Variants in CILP observed in about 807,000 individuals in gnomAD.
CILP encodes cartilage intermediate layer protein, also known as cartilage intermediate layer protein 1.
In CILP, 75 loss-of-function variants were observed where a neutral mutation model predicts 82.5. The ratio of observed to expected loss-of-function variants is 0.91; its 90% CI spans 0.75 to 1.10. The LOEUF (loss-of-function observed/expected upper bound fraction) is 1.10. CILP is among the 50% of genes least tolerant of loss of function. The pLI, the probability that CILP is intolerant of heterozygous loss-of-function variation, is 0.00. For missense variants in CILP, 1,479 were observed against 1,530.8 expected, an observed-to-expected ratio of 0.97 and a Z score of 0.56; for synonymous variants, 530 against 580.3, an observed-to-expected ratio of 0.91 and a Z score of 1.25.
intron 5 of CILP, 96 bp downstream of exon 5, chr15:65,205,191 A>T: frequency 8.6e-7 from 1 of 1,168,028 alleles, no homozygotes; most frequent in Non-Finnish European, 1.2e-6. Context: ...AAGTAAATGA[A>T]GGAATCCATC....
At chr15:65,207,269 C>T (rs1293248774) in intron 3 of CILP, among the ~76,000 whole-genome samples, 3 of 152,194 alleles carry the variant, frequency 2.0e-5, no homozygotes, top group Non-Finnish European at 4.4e-5. Context: ...AAGGCTCCTC[C>T]TCAATGCCAC....
chr15:65,197,141 G>T lies in CILP; in HGVS notation c.3145C>A (p.His1049Asn). Residue 1049 changes from histidine (H) to asparagine (N), a missense_variant, in exon 9 of 9, where the codon CAC becomes AAC. Physicochemically the swap from His to Asn is moderately conservative, Grantham distance 68. Coordinates refer to ENST00000261883, the MANE Select transcript of CILP (RefSeq NM_003613.4). ...TCGTTGTTGACTGCAAGTGGCAAGT[G>T]GTTGACCAGGTACTCATGCAGCATG... ...NPMLHEYLVN[H>N]LPLAVNNDTS... The T allele has an allele frequency of 6.2e-7, 1 of 1,614,016 alleles. No homozygotes were observed. The highest frequency in any genetic ancestry group is 8.5e-7 in the Non-Finnish European group (1 of 1,179,958).
chr15:65,200,340 T>C (rs1277043058), intron 8 of CILP, among the ~76,000 whole-genome samples: 2 of 152,184 alleles, frequency 1.3e-5, no homozygotes, highest in Non-Finnish European at 2.9e-5. Flanking sequence ...GGGCTCCATA[T>C]CTCTGCCAAT....
intron 4 of CILP, among the ~76,000 whole-genome samples, chr15:65,206,491 A>G (rs2088518513): frequency 6.6e-6 from 1 of 152,212 alleles, no homozygotes; most frequent in Admixed American, 6.5e-5. Flanking sequence ...GCCCCACTTC[A>G]GAGCCTGTGG....
Position 65,196,972 on chromosome 15 carries a change from C to T in CILP, c.3314G>A (p.Arg1105Lys). Residue 1105 changes from arginine (R) to lysine (K), a missense_variant, in exon 9 of 9, where the codon AGA (arginine) becomes AAA (lysine). Arg to Lys is a conservative substitution (Grantham distance 26, BLOSUM62 2). Transcript: ENST00000261883. The part of the protein sequence containing the change: ...CFDGTSDGSS[R>K]IMKSNVGVAL... ...TACTCCCACATTGCTCTTCATGATT[C>T]TGGAGGAGCCATCGGATGTGCCATC... is the stretch of plus-strand genomic sequence containing the variant. The T allele has an allele frequency of 6.2e-7, 1 of 1,614,102 alleles. No individual in the cohort carries two copies. The highest frequency in any genetic ancestry group is 1.1e-5 in the South Asian group (1 of 91,064).
chr15:65,197,706 A>C lies in CILP; in HGVS notation c.2580T>G (p.Arg860=). ...PQPYLNKLNY[R]RTDHEDPRVK... ...CCCGTGGATCCTCATGGTCCGTCCG[A>C]CGGTAGTTGAGCTTGTTGAGATAGG... is the stretch of plus-strand genomic sequence containing the variant. The change falls in exon 9 of 9, where the codon CGT becomes CGG. Residue 860 remains arginine, a synonymous_variant. Transcript: ENST00000261883. 6.2e-7 allele frequency: 1 copy of C among 1,613,250 alleles called. No homozygotes were observed. Among genetic ancestry groups the C allele is most frequent in the Non-Finnish European group, 8.5e-7 (1 of 1,180,028 alleles).
chr15:65,207,941 T>A (rs148173071), intron 2 of CILP, among the ~76,000 whole-genome samples, 177 bp from the exon 3 acceptor site: 90 of 152,368 alleles, frequency 5.9e-4, no homozygotes, highest in Non-Finnish European at 1.2e-3. Flanking sequence ...CCTCTGAGCC[T>A]GTTTCCCCAT....
In CILP at chr15:65,207,676, C is replaced by T. The variant is rs1249298659; in HGVS notation, c.150G>A (p.Leu50=). ...CCTGCTTCAGCCACAACTCACTCTC[C>T]AGGGTGTCGGCAGGCTTGGCAAAGA... ...PSIFAKPADT[L]ESPGEWTTWF... is the part of the protein sequence containing the mutation. Residue 50 remains leucine (L), a synonymous_variant, in exon 3 of 9, where the codon CTG becomes CTA. Transcript: ENST00000261883. The T allele has an allele frequency of 6.8e-6, 11 of 1,613,952 alleles. No individual in the cohort carries two copies. The highest frequency in any genetic ancestry group is 9.3e-6 in the Non-Finnish European group (11 of 1,179,958).
intron 5 of CILP, 87 bp from the exon 6 acceptor site, chr15:65,204,669 G>A (rs541900514): frequency 4.1e-4 from 543 of 1,338,340 alleles, no homozygotes; most frequent in Non-Finnish European, 5.0e-4. Context: ...TCTCCTCCTT[G>A]GCCTTTGCTA....
chr15:65,201,155 C>T (rs1052590069), intron 8 of CILP, among the ~76,000 whole-genome samples: 1 of 152,122 alleles, frequency 6.6e-6, no homozygotes, highest in Non-Finnish European at 1.5e-5. Flanking sequence ...GCGCACGCCA[C>T]CATGCCTGGC....
In CILP at chr15:65,197,873, C is replaced by T. The variant is rs1437587312; in HGVS notation, c.2413G>A (p.Gly805Arg). Residue 805 changes from glycine (G) to arginine (R), a missense_variant, in exon 9 of 9, where the codon GGG becomes AGG. Coordinates refer to ENST00000261883, the MANE Select transcript of CILP (RefSeq NM_003613.4). ...TCACAGAAGGCAGGCACACAGGCCC[C>T]GTTGGGGCCTGTGATGACACTGTCA... ...RFDSVITGPN[G>R]ACVPAFCDDQ... is the part of the protein sequence containing the mutation. The T allele has an allele frequency of 9.3e-6, 15 of 1,613,428 alleles. No individual in the cohort carries two copies. The highest frequency in any genetic ancestry group is 1.3e-5 in the Non-Finnish European group (15 of 1,179,858).
Position 65,196,928 on chromosome 15 carries a change from C to G in CILP, c.3358G>C (p.Val1120Leu). Residue 1120 changes from valine (V) to leucine (L), a missense_variant, in exon 9 of 9, where the codon GTA becomes CTA. Physicochemically the swap from Val to Leu is conservative, Grantham distance 32. Coordinates refer to ENST00000261883, the MANE Select transcript of CILP (RefSeq NM_003613.4). ...CTCTGGCGGCCTACTTGCCTCTCTACACAGTTGAAGGTGAGGGCTACTCCC... is the reference window on the plus strand; with the variant it reads ...CTCTGGCGGCCTACTTGCCTCTCTAGACAGTTGAAGGTGAGGGCTACTCCC... Reference protein sequence around the residue: ...NVGVALTFNCVERQVGRQSAF... With the variant: ...NVGVALTFNCLERQVGRQSAF... 6.2e-7 allele frequency: 1 copy of G among 1,613,528 alleles called. No homozygotes were observed. Among genetic ancestry groups the G allele is most frequent in the South Asian group, 1.1e-5 (1 of 90,922 alleles).
chr15:65,209,596 G>T, intron 2 of CILP, 99 bp downstream of exon 2: 2 of 1,121,068 alleles, frequency 1.8e-6, no homozygotes, highest in Non-Finnish European at 1.3e-6. Flanking sequence ...TTAAGGCCTT[G>T]CTGTGTCTTA....
At position 65,198,674 on chromosome 15, in the gene CILP, C is replaced by T. The variant is rs1387865533; in HGVS notation, c.1612G>A (p.Val538Met). Residue 538 changes from valine (V) to methionine (M), a missense_variant, in exon 9 of 9, where the codon GTG becomes ATG. Transcript: ENST00000261883. Reference sequence around the variant, plus strand: ...TGCAGCCTGTCCACAAATGTGAGCACCAGCCTCTCAGTGTCCTGGGGGACA... The same window carrying T: ...TGCAGCCTGTCCACAAATGTGAGCATCAGCCTCTCAGTGTCCTGGGGGACA... ...LHVPQDTERLVLTFVDRLQKF... is the reference protein window; with the variant it reads ...LHVPQDTERLMLTFVDRLQKF... 4.3e-6 allele frequency: 7 copies of T among 1,614,126 alleles called. No individual in the cohort carries two copies. The Admixed American group carries it at 5.0e-5, about 12-fold the overall frequency.
intron 4 of CILP, 25 bp downstream of exon 4, chr15:65,206,757 T>C: frequency 7.0e-7 from 1 of 1,428,558 alleles, no homozygotes; most frequent in Non-Finnish European, 9.3e-7. Context: ...AAGTAGCGGG[T>C]GGGGGTGGGG....
At position 65,198,254 on chromosome 15, in the gene CILP, C is replaced by T. The variant is rs148582730; in HGVS notation, c.2032G>A (p.Val678Met). 5,536 of 1,614,266 alleles carry T rather than the reference C, an allele frequency of 3.4e-3. 26 individuals carry two copies. The highest frequency in any genetic ancestry group is 7.9e-3 in the Middle Eastern group (48 of 6,062). The change falls in exon 9 of 9, where the codon GTG becomes ATG. Residue 678 changes from valine to methionine, a missense_variant. Val to Met is a conservative substitution (Grantham distance 21, BLOSUM62 1). Coordinates refer to ENST00000261883, the MANE Select transcript of CILP (RefSeq NM_003613.4). ...VTSEPLNAGK[V>M]KVHLDSTQVK... is the part of the protein sequence containing the mutation. ...TGGGTCGAGTCAAGGTGGACCTTCA[C>T]TTTGCCAGCATTAAGTGGCTCTGAG...
intron 8 of CILP, among the ~76,000 whole-genome samples, chr15:65,200,959 C>T (rs2088443237): frequency 6.6e-6 from 1 of 152,148 alleles, no homozygotes; most frequent in Non-Finnish European, 1.5e-5. Context: ...CTATTAGAGT[C>T]CACAGCCCCT....
At chr15:65,200,845 C>T (rs1198910935) in intron 8 of CILP, among the ~76,000 whole-genome samples, 1 of 152,232 alleles carries the variant, frequency 6.6e-6, no homozygotes, top group African/African-American at 2.4e-5. Context: ...TCAGGTCATA[C>T]CAATGGGCAG....
Position 65,198,626 on chromosome 15 carries a change from C to G in CILP, c.1660G>C (p.Val554Leu), listed in dbSNP as rs1479566489. The G allele has an allele frequency of 6.2e-7, 1 of 1,614,108 alleles. No homozygotes were observed. The highest frequency in any genetic ancestry group is 8.5e-7 in the Non-Finnish European group (1 of 1,180,042). The change falls in exon 9 of 9, where the codon GTG becomes CTG. Residue 554 changes from valine (V) to leucine (L), a missense_variant. Coordinates refer to ENST00000261883, the MANE Select transcript of CILP (RefSeq NM_003613.4). ...RLQKFVNTTK[V>L]LPFNKKGSAV... ...CTCCCCTTCTTGTTGAAAGGTAGCA[C>G]TTTGGTGGTGTTGACAAACTTCTGC... is the stretch of plus-strand genomic sequence containing the variant.
Sources: allele counts gnomAD v4.1 joint callset (sites outside exome capture counted in the v4.1 genomes callset), GRCh38; gene constraint gnomAD v4.1.1; transcripts MANE v1.5; gene names NCBI Gene and HGNC (gene_info 2026-07-23, HGNC 2026-07-21).